MEOX1: variants seen among roughly 807,000 people sequenced by gnomAD.
MEOX1 encodes mesenchyme homeobox 1.
In MEOX1, 17 loss-of-function variants were observed where a neutral mutation model predicts 23.2. The ratio of observed to expected loss-of-function variants is 0.73; its 90% CI spans 0.50 to 1.10. The LOEUF (loss-of-function observed/expected upper bound fraction) is 1.10. Ranked by LOEUF, MEOX1 falls within the 50% of genes least tolerant of loss-of-function variation. The pLI is 0.00. For missense variants in MEOX1, 333 were observed against 332.2 expected (o/e 1.00, Z -0.02); for synonymous variants, 134 against 135.1 (o/e 0.99, Z 0.06).
chr17:43,660,878 A>T (rs938093696), intron 1 of MEOX1, among the ~76,000 whole-genome samples, 188 bp downstream of exon 1: 6 of 152,108 alleles, frequency 3.9e-5, no homozygotes, highest in African/African-American at 1.4e-4. Flanking sequence ...GGACACAGAC[A>T]TGGTCCCCAT....
intron 1 of MEOX1, among the ~76,000 whole-genome samples, chr17:43,655,660 TAAAAAAAAAAAAAAAAA>T (rs57762377): frequency 4.0e-5 from 3 of 75,598 alleles, no homozygotes; most frequent in Non-Finnish European, 7.0e-5. Context: ...CCTGTCTTTC[TAAAAAAAAAAAAAAAAA>T]AAAAAAAAAG....
chr17:43,661,441 C>A lies in MEOX1; in HGVS notation c.94G>T (p.Ala32Ser), dbSNP rs572834810. ...GGCGGGTAGTGGGGTAGCCCTGAGG[C>A]CCCATTGCCTTCCGAGTGGGGGTTT... Reference protein sequence around the residue: ...LRNPHSEGNGASGLPHYPPTP... With the variant: ...LRNPHSEGNGSSGLPHYPPTP... Residue 32 changes from alanine to serine, a missense_variant, in exon 1 of 3, where the codon GCC (alanine) becomes TCC (serine). Ala to Ser is a moderately conservative substitution (Grantham distance 99, BLOSUM62 1). Coordinates refer to ENST00000318579, the MANE Select transcript of MEOX1 (RefSeq NM_004527.4). 6.2e-7 allele frequency: 1 copy of A among 1,612,368 alleles called. No homozygotes were observed. Among genetic ancestry groups the A allele is most frequent in the East Asian group, 2.2e-5 (1 of 44,832 alleles).
At chr17:43,644,484 C>T (rs749087774) in intron 1 of MEOX1, among the ~76,000 whole-genome samples, 3 of 152,246 alleles carry the variant, frequency 2.0e-5, no homozygotes, top group Non-Finnish European at 4.4e-5. Context: ...AATAGCCCAA[C>T]CAAGTGGTTC....
chr17:43,660,534 C>T (rs1973116584), intron 1 of MEOX1, among the ~76,000 whole-genome samples: 1 of 152,218 alleles, frequency 6.6e-6, no homozygotes, highest in South Asian at 2.1e-4. Flanking sequence ...TCTCCCATCC[C>T]AGCCGCAGGC....
intron 1 of MEOX1, among the ~76,000 whole-genome samples, chr17:43,656,079 G>A (rs1356410113): frequency 1.3e-5 from 2 of 152,160 alleles, no homozygotes; most frequent in African/African-American, 2.4e-5. Context: ...TGAAACAACT[G>A]CAAGCTAAAG....
At chr17:43,642,430 A>C (rs1972713969) in intron 2 of MEOX1, among the ~76,000 whole-genome samples, 1 of 152,150 alleles carries the variant, frequency 6.6e-6, no homozygotes, top group Non-Finnish European at 1.5e-5. Flanking sequence ...AGCTCTGGTA[A>C]GCACATTTTC....
chr17:43,647,921 C>G (rs984082820), intron 1 of MEOX1, among the ~76,000 whole-genome samples: 4 of 152,152 alleles, frequency 2.6e-5, no homozygotes, highest in African/African-American at 9.7e-5. Flanking sequence ...TCTGGGAGGG[C>G]GGTTGTCCCT....
chr17:43,648,707 C>T (rs1972856659), intron 1 of MEOX1, among the ~76,000 whole-genome samples: 1 of 152,292 alleles, frequency 6.6e-6, no homozygotes, highest in Middle Eastern at 3.4e-3. Flanking sequence ...CCATTGAGAA[C>T]CCTTAGCCTT....
At chr17:43,650,435 C>T (rs1216177211) in intron 1 of MEOX1, among the ~76,000 whole-genome samples, 1 of 152,084 alleles carries the variant, frequency 6.6e-6, no homozygotes, top group East Asian at 1.9e-4. Flanking sequence ...ACACATTAGC[C>T]CGTTGAACAT....
chr17:43,641,886 G>C lies in MEOX1; in HGVS notation c.*24C>G. ...AGTTGGGTAGGGGGCTCAGTCCTTA[G>C]TCATTTTTCCTCCATGCAGAATCTC... On this transcript the variant is annotated 3_prime_UTR_variant, in exon 3 of 3. Coordinates refer to ENST00000318579, the MANE Select transcript of MEOX1 (RefSeq NM_004527.4). 1 of 1,605,062 alleles carries C rather than the reference G, an allele frequency of 6.2e-7. No individual in the cohort carries two copies.
chr17:43,642,057 G>T, intron 2 of MEOX1, 25 bp from the exon 3 acceptor site: 1 of 1,606,304 alleles, frequency 6.2e-7, no homozygotes, highest in Non-Finnish European at 8.5e-7. Context: ...AAAGGAGCCT[G>T]GTCACTCCAG....
rs559053526 is a variant in MEOX1 at position 43,642,090 on chromosome 17, T to C, written c.643-58A>G. 3.9e-4 allele frequency: 603 copies of C among 1,560,634 alleles called. 9 individuals are homozygous for C. The South Asian group carries it at 6.7e-3, about 17-fold the overall frequency. On this transcript the variant is annotated intron_variant, in intron 2 of 2. Coordinates refer to ENST00000318579, the MANE Select transcript of MEOX1 (RefSeq NM_004527.4). Reference sequence around the variant, plus strand: ...CAGGGCCGGTGTGACCTCCTCCCCATGTCAATGCTTAGGCTAGCCAGGGTG... The same window carrying C: ...CAGGGCCGGTGTGACCTCCTCCCCACGTCAATGCTTAGGCTAGCCAGGGTG...
intron 1 of MEOX1, among the ~76,000 whole-genome samples, chr17:43,647,522 G>A (rs1216753770): frequency 6.6e-6 from 1 of 152,184 alleles, no homozygotes; most frequent in Non-Finnish European, 1.5e-5. Flanking sequence ...GCTGGCTCAG[G>A]TTGGGGCCTG....
chr17:43,655,885 A>T (rs961835738), intron 1 of MEOX1, among the ~76,000 whole-genome samples: 15 of 152,306 alleles, frequency 9.8e-5, no homozygotes, highest in African/African-American at 3.6e-4. Flanking sequence ...TGTTTAATGG[A>T]GATAGAGTTT....
At chr17:43,651,046 C>T (rs140540782) in intron 1 of MEOX1, among the ~76,000 whole-genome samples, 5 of 152,148 alleles carry the variant, frequency 3.3e-5, no homozygotes, top group East Asian at 3.8e-4. Context: ...TGGCTGGGCG[C>T]GGTGGCTCAC....
At chr17:43,643,035 G>T (rs886450998) in intron 2 of MEOX1, among the ~76,000 whole-genome samples, 1 of 152,142 alleles carries the variant, frequency 6.6e-6, no homozygotes, top group Non-Finnish European at 1.5e-5. Flanking sequence ...GGGGCCGGGC[G>T]CAGTGGCTCA....
intron 1 of MEOX1, among the ~76,000 whole-genome samples, chr17:43,651,856 C>A (rs1342513684): frequency 6.6e-6 from 1 of 152,222 alleles, no homozygotes; most frequent in African/African-American, 2.4e-5. Flanking sequence ...CCTGGGCTGA[C>A]CTTCTTACAG....
chr17:43,652,240 G>C (rs3785807), intron 1 of MEOX1, among the ~76,000 whole-genome samples: 1 of 151,814 alleles, frequency 6.6e-6, no homozygotes, highest in Non-Finnish European at 1.5e-5. Flanking sequence ...CTGCTGCAGC[G>C]GTGCACCCCT....
intron 1 of MEOX1, among the ~76,000 whole-genome samples, chr17:43,651,020 T>C (rs1427497080): frequency 6.6e-6 from 1 of 152,008 alleles, no homozygotes; most frequent in Admixed American, 6.6e-5. Flanking sequence ...TCTTCTGGAA[T>C]GAAAATGCGT....
Sources: allele counts gnomAD v4.1 joint callset (sites outside exome capture counted in the v4.1 genomes callset), GRCh38; gene constraint gnomAD v4.1.1; transcripts MANE v1.5; gene names NCBI Gene and HGNC (gene_info 2026-07-23, HGNC 2026-07-21).